Variants in CIMIP6 observed in about 807,000 individuals in gnomAD.
The protein encoded by CIMIP6 is uncharacterized protein C2orf73.
chr2:54,333,294 G>T, the CIMIP6 span, among the ~76,000 whole-genome samples: 7 of 152,238 alleles, frequency 4.6e-5, no homozygotes, highest in African/African-American at 1.4e-4. Flanking sequence ...ACATGTGGTA[G>T]AGGAAAGAAA....
chr2:54,342,268 C>T, the CIMIP6 span, among the ~76,000 whole-genome samples: 1 of 152,158 alleles, frequency 6.6e-6, no homozygotes, highest in African/African-American at 2.4e-5. Flanking sequence ...TCCTTAACAA[C>T]CTCAAGTTGA....
At chr2:54,350,565 A>G in the CIMIP6 span, among the ~76,000 whole-genome samples, 1 of 152,220 alleles carries the variant, frequency 6.6e-6, no homozygotes, top group Non-Finnish European at 1.5e-5. Context: ...CTTAAAGTTT[A>G]TGGCTAGTAC....
the CIMIP6 span, among the ~76,000 whole-genome samples, chr2:54,345,256 C>T: frequency 6.6e-6 from 1 of 152,080 alleles, no homozygotes; most frequent in East Asian, 1.9e-4. Context: ...AACACATATA[C>T]TAAATTGGAC....
the CIMIP6 span, among the ~76,000 whole-genome samples, chr2:54,351,734 T>A: frequency 6.6e-6 from 1 of 152,176 alleles, no homozygotes; most frequent in African/African-American, 2.4e-5. Context: ...AGCTTACCTA[T>A]ACATAACAAA....
the CIMIP6 span, among the ~76,000 whole-genome samples, chr2:54,340,868 G>C: frequency 6.6e-6 from 1 of 152,180 alleles, no homozygotes; most frequent in Non-Finnish European, 1.5e-5. Context: ...AGGAGGCTAA[G>C]GTGGGAGGAT....
the CIMIP6 span, among the ~76,000 whole-genome samples, chr2:54,367,103 C>T: frequency 1.3e-5 from 2 of 152,020 alleles, no homozygotes; most frequent in African/African-American, 4.8e-5. Context: ...TTCATCATTT[C>T]CATGACTAAT....
chr2:54,331,363 G>C, the CIMIP6 span, among the ~76,000 whole-genome samples: 4 of 152,140 alleles, frequency 2.6e-5, no homozygotes, highest in Middle Eastern at 3.4e-3. Flanking sequence ...TTCTCTTGCC[G>C]GGATGCTGCA....
At chr2:54,382,078 A>G in the CIMIP6 span, 2 of 1,378,716 alleles carry the variant, frequency 1.5e-6, no homozygotes, top group Non-Finnish European at 1.9e-6. Flanking sequence ...AGAACTTAAT[A>G]AAGTCAGTCT....
the CIMIP6 span, among the ~76,000 whole-genome samples, chr2:54,362,737 G>C: frequency 6.6e-6 from 1 of 152,134 alleles, no homozygotes; most frequent in African/African-American, 2.4e-5. Flanking sequence ...AGTATAGGCA[G>C]GGTTTTGCCA....
chr2:54,382,107 T>C, the CIMIP6 span: 1 of 1,225,570 alleles, frequency 8.2e-7, no homozygotes, highest in Non-Finnish European at 1.1e-6. Flanking sequence ...AGCACAAATT[T>C]CCTACTATAG....
chr2:54,347,520 A>G, the CIMIP6 span, among the ~76,000 whole-genome samples: 4 of 152,220 alleles, frequency 2.6e-5, no homozygotes, highest in Admixed American at 2.6e-4. Flanking sequence ...TCCCTTCCAC[A>G]TAACGAGCAG....
At chr2:54,370,798 TG>T in the CIMIP6 span, among the ~76,000 whole-genome samples, 2 of 152,336 alleles carry the variant, frequency 1.3e-5, no homozygotes, top group Middle Eastern at 3.4e-3. Flanking sequence ...CTGAACTTCC[TG>T]GAAGTCTTGA....
At chr2:54,378,793 G>T in the CIMIP6 span, among the ~76,000 whole-genome samples, 1 of 152,194 alleles carries the variant, frequency 6.6e-6, no homozygotes, top group South Asian at 2.1e-4. Flanking sequence ...GTTCCCAAAA[G>T]CTCAAATAAG....
chr2:54,334,210 C>A, the CIMIP6 span, among the ~76,000 whole-genome samples: 1 of 152,110 alleles, frequency 6.6e-6, no homozygotes, highest in Non-Finnish European at 1.5e-5. Flanking sequence ...TCTTCCTATA[C>A]ATTTTTAAAA....
the CIMIP6 span, among the ~76,000 whole-genome samples, chr2:54,376,210 CTTT>C: frequency 1.4e-5 from 2 of 147,138 alleles, no homozygotes; most frequent in Non-Finnish European, 1.5e-5. Context: ...TGATTTCTAC[CTTT>C]TTTTTTTTTG....
chr2:54,354,892 T>C, the CIMIP6 span, among the ~76,000 whole-genome samples: 1 of 152,080 alleles, frequency 6.6e-6, no homozygotes, highest in South Asian at 2.1e-4. Flanking sequence ...GTATAATACT[T>C]AGAATTTTCT....
chr2:54,352,911 T>C, the CIMIP6 span, among the ~76,000 whole-genome samples: 1 of 152,208 alleles, frequency 6.6e-6, no homozygotes, highest in African/African-American at 2.4e-5. Flanking sequence ...AACCTATGGA[T>C]AGAGAGCACC....
chr2:54,362,936 G>A, the CIMIP6 span, among the ~76,000 whole-genome samples: 1 of 152,062 alleles, frequency 6.6e-6, no homozygotes, highest in Non-Finnish European at 1.5e-5. Context: ...CTTGTCTATT[G>A]GTATGCCAGT....
chr2:54,370,986 G>T, the CIMIP6 span, among the ~76,000 whole-genome samples: 1 of 152,330 alleles, frequency 6.6e-6, no homozygotes, highest in East Asian at 1.9e-4. Flanking sequence ...TCTGAAGTGT[G>T]TTATGACAGG....
Sources: allele counts gnomAD v4.1 joint callset (sites outside exome capture counted in the v4.1 genomes callset), GRCh38; gene constraint gnomAD v4.1.1; transcripts MANE v1.5; gene names NCBI Gene and HGNC (gene_info 2026-07-23, HGNC 2026-07-21).